GRIP1: variants seen among roughly 807,000 people sequenced by gnomAD.
The protein encoded by GRIP1 is glutamate receptor-interacting protein 1.
A neutral mutation model predicts 129.9 loss-of-function variants in GRIP1; 45 were observed. The observed-to-expected ratio is 0.35, with a 90% confidence interval of 0.27 to 0.44. The LOEUF (loss-of-function observed/expected upper bound fraction) is 0.44, where lower values mean the gene tolerates loss of function less well. GRIP1 is among the 20% of genes least tolerant of loss of function. The probability of loss-of-function intolerance (pLI) is 1.00; values close to 1 mark genes in which losing one functional copy is unlikely to be tolerated. For synonymous variants in GRIP1, 530 were observed against 520.8 expected, an observed-to-expected ratio of 1.02 and a Z score of -0.24; for missense variants, 1,196 against 1,396.8, an observed-to-expected ratio of 0.86 and a Z score of 2.29.
At chr12:66,459,839 T>C (rs1255967242) in intron 9 of GRIP1, among the ~76,000 whole-genome samples, 1 of 152,238 alleles carries the variant, frequency 6.6e-6, no homozygotes, top group African/African-American at 2.4e-5. Context: ...GTGGTGTACT[T>C]GATAGGCAAG....
intron 1 of GRIP1, among the ~76,000 whole-genome samples, chr12:66,773,110 C>T (rs920869345): frequency 6.6e-6 from 1 of 152,122 alleles, no homozygotes; most frequent in Non-Finnish European, 1.5e-5. Context: ...GGAGGCAGAG[C>T]TGAGAAATGA....
intron 1 of GRIP1, among the ~76,000 whole-genome samples, chr12:66,933,649 AG>A (rs2041436929): frequency 6.6e-6 from 1 of 152,194 alleles, no homozygotes; most frequent in African/African-American, 2.4e-5. Context: ...CTCTGCCCTC[AG>A]GGAGCTTATA....
chr12:66,574,008 CT>C (rs936394776), intron 2 of GRIP1, among the ~76,000 whole-genome samples: 3 of 152,122 alleles, frequency 2.0e-5, no homozygotes, highest in Non-Finnish European at 4.4e-5. Flanking sequence ...AACTATTGAT[CT>C]TTTTTTCCCC....
chr12:66,476,898 A>G (rs1330749969), intron 7 of GRIP1, among the ~76,000 whole-genome samples: 1 of 152,232 alleles, frequency 6.6e-6, no homozygotes, highest in African/African-American at 2.4e-5. Flanking sequence ...AGAACTATTT[A>G]TGATAAACCC....
intron 14 of GRIP1, among the ~76,000 whole-genome samples, chr12:66,425,685 A>G (rs2057959301): frequency 1.3e-5 from 2 of 152,208 alleles, no homozygotes; most frequent in Non-Finnish European, 2.9e-5. Context: ...ACATGGATGA[A>G]GCTGGAAACC....
At chr12:66,897,591 G>A (rs1192521419) in intron 1 of GRIP1, among the ~76,000 whole-genome samples, 1 of 152,132 alleles carries the variant, frequency 6.6e-6, no homozygotes, top group African/African-American at 2.4e-5. Flanking sequence ...CATGATGGTG[G>A]CGGATGAGCT....
chr12:66,975,252 A>G (rs1043490445), intron 1 of GRIP1, among the ~76,000 whole-genome samples: 5 of 152,214 alleles, frequency 3.3e-5, no homozygotes, highest in Non-Finnish European at 7.3e-5. Context: ...AGTGAAGGAG[A>G]AACAGCATGT....
intron 4 of GRIP1, among the ~76,000 whole-genome samples, chr12:66,533,863 T>TCA (rs1179278383): frequency 7.1e-5 from 7 of 98,264 alleles, no homozygotes; most frequent in South Asian, 3.0e-4. Context: ...ACACACACAC[T>TCA]CACACACACA....
intron 1 of GRIP1, among the ~76,000 whole-genome samples, chr12:67,011,056 T>C (rs1461490184): frequency 6.6e-6 from 1 of 152,160 alleles, no homozygotes; most frequent in Non-Finnish European, 1.5e-5. Context: ...CTACTACCCA[T>C]ATCTTTCCTC....
chr12:66,742,386 T>A (rs7961471), intron 1 of GRIP1, among the ~76,000 whole-genome samples: 1 of 151,864 alleles, frequency 6.6e-6, no homozygotes, highest in Non-Finnish European at 1.5e-5. Context: ...GGAACCAGTA[T>A]AAATTGCTAC....
intron 7 of GRIP1, among the ~76,000 whole-genome samples, chr12:66,480,757 A>G (rs865796373): frequency 1.3e-5 from 2 of 152,128 alleles, no homozygotes; most frequent in African/African-American, 4.8e-5. Context: ...AAATAATACC[A>G]CACATCTACA....
chr12:66,609,686 T>C (rs1872197838), intron 1 of GRIP1, among the ~76,000 whole-genome samples: 1 of 152,162 alleles, frequency 6.6e-6, no homozygotes, highest in African/African-American at 2.4e-5. Flanking sequence ...TCAATTTGGA[T>C]AAACAAAGAA....
intron 2 of GRIP1, among the ~76,000 whole-genome samples, chr12:66,564,557 T>C (rs1023021085): frequency 1.3e-5 from 2 of 152,206 alleles, no homozygotes; most frequent in Admixed American, 1.3e-4. Context: ...TCCAAGTCTT[T>C]GCTATCGTGA....
intron 1 of GRIP1, among the ~76,000 whole-genome samples, chr12:67,065,560 T>C (rs2043610540): frequency 6.6e-6 from 1 of 152,162 alleles, no homozygotes; most frequent in Admixed American, 6.5e-5. Context: ...GCAAAGGAAA[T>C]GAGAAAATAC....
chr12:66,486,792 AT>A (rs34841524), intron 7 of GRIP1, among the ~76,000 whole-genome samples: 138,891 of 149,352 alleles, frequency 0.93, 64,731 homozygotes, highest in East Asian at 1. Context: ...GCAGGTCTCA[AT>A]TTTTTTTTTT....
chr12:66,722,733 A>G (rs918618903), intron 1 of GRIP1, among the ~76,000 whole-genome samples: 16 of 152,154 alleles, frequency 1.1e-4, no homozygotes, highest in African/African-American at 3.4e-4. Flanking sequence ...GACAATCAAA[A>G]TACAGATAAT....
intron 1 of GRIP1, among the ~76,000 whole-genome samples, chr12:67,014,649 C>A (rs1197500120): frequency 6.6e-6 from 1 of 152,064 alleles, no homozygotes; most frequent in African/African-American, 2.4e-5. Flanking sequence ...GAGAAAACTT[C>A]CATTCCATAA....
chr12:66,986,680 G>T (rs546671237), intron 1 of GRIP1, among the ~76,000 whole-genome samples: 101 of 116,508 alleles, frequency 8.7e-4, no homozygotes, highest in African/African-American at 3.1e-3. Context: ...GACTATTGTG[G>T]GGTGGGGGGA....
At chr12:66,651,382 A>G (rs532954327) in intron 1 of GRIP1, among the ~76,000 whole-genome samples, 17 of 152,212 alleles carry the variant, frequency 1.1e-4, no homozygotes, top group South Asian at 6.2e-4. Flanking sequence ...AATTTAAACT[A>G]TTTCCCAAAT....
Sources: gnomAD v4.1 joint callset for allele counts (sites outside exome capture counted in the v4.1 genomes callset) on GRCh38, gnomAD v4.1.1 for gene constraint, MANE v1.5 for transcripts, NCBI Gene and HGNC (gene_info 2026-07-23, HGNC 2026-07-21) for gene names.